DUS4L: variants seen among roughly 807,000 people sequenced by gnomAD.
DUS4L encodes the protein dihydrouridine synthase 4 like.
A neutral mutation model predicts 33.8 loss-of-function variants in DUS4L; 31 were observed. The observed-to-expected ratio is 0.92, with a 90% CI of 0.69 to 1.24. The LOEUF (loss-of-function observed/expected upper bound fraction) is 1.24, where lower values mean the gene tolerates loss of function less well. Among genes scored for constraint, DUS4L ranks in the 50% most tolerant of loss-of-function variants. DUS4L has a pLI of 0.00. For synonymous variants in DUS4L, 103 were observed against 120.3 expected, an observed-to-expected ratio of 0.86 and a Z score of 0.94; for missense variants, 368 against 388.6, an observed-to-expected ratio of 0.95 and a Z score of 0.45.
chr7:107,573,322 C>G (rs1241901190), intron 4 of DUS4L, among the ~76,000 whole-genome samples: 1 of 152,066 alleles, frequency 6.6e-6, no homozygotes, highest in Non-Finnish European at 1.5e-5. Flanking sequence ...GTACATCTCC[C>G]AGATACATGA....
intron 3 of DUS4L, chr7:107,567,899 G>C: frequency 3.9e-6 from 1 of 257,786 alleles, no homozygotes; most frequent in Non-Finnish European, 7.7e-6. Context: ...TATTTGTTCA[G>C]AACTGGATTT....
Position 107,571,902 on chromosome 7 carries a change from TAA to T in DUS4L, c.238+637_238+638del, listed in dbSNP as rs781118279. Among the ~76,000 whole-genome samples, 19 of 152,312 alleles carry T rather than the reference TAA, an allele frequency of 1.2e-4. No individual in the cohort carries two copies. In the South Asian group the frequency reaches 2.9e-3, roughly 23 times the overall value. ...CACTGACTTTATCCTTCAAAATTCC[TAA>T]GTTATTTTAAGTCCTTGAACATACA... On this transcript the variant is annotated intron_variant, in intron 4 of 7. Coordinates refer to ENST00000265720, the MANE Select transcript of DUS4L (RefSeq NM_181581.3).
intron 3 of DUS4L, 93 bp from the exon 4 acceptor site, chr7:107,571,052 T>C: frequency 6.5e-7 from 1 of 1,527,674 alleles, no homozygotes; most frequent in Non-Finnish European, 8.9e-7. Context: ...CATCTCCCCA[T>C]AGGTAGAACT....
chr7:107,571,535 A>G (rs1000210184), intron 4 of DUS4L, among the ~76,000 whole-genome samples: 2 of 152,194 alleles, frequency 1.3e-5, no homozygotes, highest in African/African-American at 4.8e-5. Flanking sequence ...GTCTTGTACC[A>G]TTCCAAACTA....
At chr7:107,565,526 ATTGTT>A (rs1243897856) in intron 2 of DUS4L, among the ~76,000 whole-genome samples, 7 of 152,000 alleles carry the variant, frequency 4.6e-5, no homozygotes, top group South Asian at 2.1e-4. Context: ...AAAGCTACTG[ATTGTT>A]TTGTTTTGTT....
chr7:107,576,243 T>C, intron 6 of DUS4L, 123 bp from the exon 7 acceptor site: 1 of 928,604 alleles, frequency 1.1e-6, no homozygotes, highest in Non-Finnish European at 1.6e-6. Context: ...GATAATGACA[T>C]AGAGTAATAA....
At chr7:107,574,695 T>C (rs1805572394) in intron 5 of DUS4L, among the ~76,000 whole-genome samples, 1 of 152,198 alleles carries the variant, frequency 6.6e-6, no homozygotes, top group South Asian at 2.1e-4. Context: ...ATTCAAAATG[T>C]GTCCAAAGAA....
At chr7:107,568,142 C>T (rs1204945946) in intron 3 of DUS4L, among the ~76,000 whole-genome samples, 1 of 152,134 alleles carries the variant, frequency 6.6e-6, no homozygotes, top group Non-Finnish European at 1.5e-5. Flanking sequence ...TATACAAATA[C>T]CCATGGTTCG....
Position 107,571,329 on chromosome 7 carries a change from T to C in DUS4L, c.238+63T>C. The stretch of plus-strand genomic sequence containing the variant: ...TTAAATTTGTTTACAAACTCAACTA[T>C]CTTATCAGAAACAACACAATTTAGA... On this transcript the variant is annotated intron_variant, in intron 4 of 7. Transcript: ENST00000265720. The C allele has an allele frequency of 1.9e-6, 3 of 1,551,212 alleles. No individual in the cohort carries two copies. In the Admixed American group the frequency reaches 6.7e-5, roughly 35 times the overall value.
chr7:107,567,841 C>T (rs1804856271), intron 3 of DUS4L: 1 of 424,176 alleles, frequency 2.4e-6, no homozygotes, highest in Non-Finnish European at 4.7e-6. Context: ...TCTACTTTCT[C>T]CCTCTATGAA....
intron 4 of DUS4L, among the ~76,000 whole-genome samples, chr7:107,571,912 TAA>T (rs962695394): frequency 1.3e-5 from 2 of 152,238 alleles, no homozygotes; most frequent in African/African-American, 4.8e-5. Flanking sequence ...TAAGTTATTT[TAA>T]GTCCTTGAAC....
chr7:107,576,550 T>A lies in DUS4L; in HGVS notation c.664T>A (p.Leu222Ile). 1 of 1,594,006 alleles carries A rather than the reference T, an allele frequency of 6.3e-7. No homozygotes were observed. Among genetic ancestry groups the A allele is most frequent in the South Asian group, 1.1e-5 (1 of 87,072 alleles). ...PVIANGDIRS[L>I]KEAENVWRIT... ...AATTGCTAATGGAGACATCAGAAGC[T>A]TAAAGGAAGCAGAAAATGTGTGGCG... Residue 222 changes from leucine to isoleucine, a missense_variant, in exon 7 of 8, where the codon TTA becomes ATA. Transcript: ENST00000265720.
At chr7:107,566,038 T>C (rs1804655135) in intron 2 of DUS4L, among the ~76,000 whole-genome samples, 1 of 152,212 alleles carries the variant, frequency 6.6e-6, no homozygotes, top group African/African-American at 2.4e-5. Context: ...TATCACTCTT[T>C]AGGTTTATTC....
intron 4 of DUS4L, among the ~76,000 whole-genome samples, chr7:107,572,817 C>A (rs887011880): frequency 6.6e-6 from 1 of 151,104 alleles, no homozygotes; most frequent in African/African-American, 2.4e-5. Context: ...CCACTGCACT[C>A]CAGCCTGGGT....
intron 5 of DUS4L, among the ~76,000 whole-genome samples, chr7:107,574,469 G>C (rs1805549987): frequency 1.3e-5 from 2 of 151,168 alleles, no homozygotes; most frequent in Non-Finnish European, 2.9e-5. Context: ...CTCCTGAGTA[G>C]CTGGGATTAC....
chr7:107,573,893 C>A, intron 5 of DUS4L, 72 bp downstream of exon 5: 1 of 1,402,370 alleles, frequency 7.1e-7, no homozygotes, highest in Non-Finnish European at 9.3e-7. Flanking sequence ...GGTAAAATAT[C>A]TTTCTAGTTT....
chr7:107,577,348 G>A lies in DUS4L; in HGVS notation c.742G>A (p.Ala248Thr), dbSNP rs766564203. ...TGCAAGAGGACTCTTAGCAAACCCGGCCATGTTTGCTGGATATGAGGAAAC... is the reference window on the plus strand; with the variant it reads ...TGCAAGAGGACTCTTAGCAAACCCGACCATGTTTGCTGGATATGAGGAAAC... ...MVARGLLANP[A>T]MFAGYEETPL... Residue 248 changes from alanine to threonine, a missense_variant, in exon 8 of 8, where the codon GCC (alanine) becomes ACC (threonine). Transcript: ENST00000265720. 2 of 1,614,094 alleles carry A rather than the reference G, an allele frequency of 1.2e-6. No individual in the cohort carries two copies. Among genetic ancestry groups the A allele is most frequent in the East Asian group, 2.2e-5 (1 of 44,868 alleles).
chr7:107,568,881 T>A (rs1804946518), intron 3 of DUS4L, among the ~76,000 whole-genome samples: 1 of 152,266 alleles, frequency 6.6e-6, no homozygotes, highest in South Asian at 2.1e-4. Flanking sequence ...CCTATGGATG[T>A]CCAATTACTC....
rs1805197859 is a variant in DUS4L, at chr7:107,571,185, C to T, written c.157C>T (p.Leu53=). The T allele has an allele frequency of 1.2e-6, 2 of 1,612,636 alleles. No homozygotes were observed. The highest frequency in any genetic ancestry group is 1.7e-6 in the Non-Finnish European group (2 of 1,179,656). ...ACTAGTAAGAAAATATAGTTGTGAT[C>T]TGTGTTACACACCAATGATTGTTGC... ...RTLVRKYSCD[L]CYTPMIVAAD... The change falls in exon 4 of 8, where the codon CTG becomes TTG. Residue 53 remains leucine, a synonymous_variant. Transcript: ENST00000265720.
Sources: gnomAD v4.1 joint callset for allele counts (sites outside exome capture counted in the v4.1 genomes callset) on GRCh38, gnomAD v4.1.1 for gene constraint, MANE v1.5 for transcripts, NCBI Gene and HGNC (gene_info 2026-07-23, HGNC 2026-07-21) for gene names.